The following DNTTIP2 variants were observed in gnomAD, a reference collection of about 807,000 sequenced individuals.
DNTTIP2 encodes the protein deoxynucleotidyltransferase terminal-interacting protein 2.
In DNTTIP2, 47 loss-of-function variants were observed where a neutral mutation model predicts 62.4. That is an observed-to-expected ratio of 0.75 (90% CI 0.60 to 0.96). DNTTIP2 has a LOEUF of 0.96. DNTTIP2 is among the 40% of genes least tolerant of loss of function. DNTTIP2 has a pLI of 0.00. For missense variants in DNTTIP2, 870 were observed against 849.1 expected (o/e 1.02, Z -0.31); for synonymous variants, 322 against 300.9 (o/e 1.07, Z -0.73).
Position 93,879,062 on chromosome 1 carries a change from G to A in DNTTIP2, c.72+15C>T, listed in dbSNP as rs768642365. On this transcript the variant is annotated intron_variant, in intron 1 of 6. Transcript: ENST00000436063. ...CTGCGAAGCGGCGAGAAGTAGGGAA[G>A]ACTGGATTTCCTACCTTTTGCCCGG... 3.7e-6 allele frequency: 6 copies of A among 1,613,328 alleles called. No homozygotes were observed. Among genetic ancestry groups the A allele is most frequent in the Non-Finnish European group, 5.1e-6 (6 of 1,179,804 alleles).
chr1:93,870,895 G>T, intron 5 of DNTTIP2, 103 bp from the exon 6 acceptor site: 1 of 530,732 alleles, frequency 1.9e-6, no homozygotes, highest in African/African-American at 1.9e-5. Context: ...GAAAGAACAA[G>T]CTTACATTAC....
In DNTTIP2 at chr1:93,876,407, TG is replaced by T; in HGVS notation, c.1527del (p.Asp509GlufsTer41). On this transcript the variant is annotated frameshift_variant, in exon 2 of 7. Transcript: ENST00000436063. LOFTEE classifies it high-confidence loss of function. ...TCCTCAATGGCAACCTCACTTGCCT[TG>T]TCTTCCTCTTCCAAGTAAAAATTTT... Reference protein sequence around the residue: ...ADKNFYLEEEDKASEVAIEEE... With the variant: ...ADKNFYLEEEXKASEVAIEEE... The T allele has an allele frequency of 6.2e-7, 1 of 1,608,824 alleles. No homozygotes were observed. The highest frequency in any genetic ancestry group is 1.3e-5 in the African/African-American group (1 of 74,996).
chr1:93,878,967 G>A lies in DNTTIP2; in HGVS notation c.72+110C>T, dbSNP rs1571187348. 9.3e-6 allele frequency: 13 copies of A among 1,404,076 alleles called. No individual in the cohort carries two copies. In the East Asian group the frequency reaches 3.2e-4, roughly 35 times the overall value. 87.0% of individuals were successfully genotyped at this position (1,404,076 alleles called of 1,614,324 possible). On this transcript the variant is annotated intron_variant, in intron 1 of 6. Transcript: ENST00000436063. Reference sequence around the variant, plus strand: ...GAGACCCAAGCGCGCGGCAAGCTCGGGTCCTCTCTGTCGGCAGGTCCTCAC... The same window carrying A: ...GAGACCCAAGCGCGCGGCAAGCTCGAGTCCTCTCTGTCGGCAGGTCCTCAC...
Position 93,867,179 on chromosome 1 carries a change from T to G in DNTTIP2, c.*2672A>C, listed in dbSNP as rs563008368. ...AAAAAAAAAGCATCTTGGAGCCAGA[T>G]GGTGTATAAATACAGCATTCTTTTC... On this transcript the variant is annotated 3_prime_UTR_variant, in exon 7 of 7. Transcript: ENST00000436063. 5 of 147,880 alleles carry G rather than the reference T, an allele frequency of 3.4e-5. No homozygotes were observed. The highest frequency in any genetic ancestry group is 2.7e-4 in the Admixed American group (4 of 14,788). The allele number at this position is 147,880 out of a possible 1,614,324, so 9.2% of individuals were successfully genotyped here.
chr1:93,877,982 A>C, intron 1 of DNTTIP2, 120 bp from the exon 2 acceptor site: 1 of 1,374,122 alleles, frequency 7.3e-7, no homozygotes, highest in Non-Finnish European at 9.6e-7. Context: ...AACAAAAAAC[A>C]AAAAAACCTG....
chr1:93,872,229 C>A lies in DNTTIP2; in HGVS notation c.1910G>T (p.Arg637Leu). 6.2e-7 allele frequency: 1 copy of A among 1,612,702 alleles called. No homozygotes were observed. Among genetic ancestry groups the A allele is most frequent in the South Asian group, 1.1e-5 (1 of 90,830 alleles). ...YQLQKKRRKE[R>L]QKTAGDGWFG... ...CCAGCCATCCCCTGCTGTTTTTTGT[C>A]GTTCTTTCTGAAATTATGATTTCAA... is the stretch of plus-strand genomic sequence containing the variant. Residue 637 changes from arginine to leucine, a missense_variant, in exon 5 of 7, where the codon CGA (arginine) becomes CTA (leucine). Arg to Leu is a moderately radical substitution (Grantham distance 102, BLOSUM62 -2). Transcript: ENST00000436063.
intron 4 of DNTTIP2, among the ~76,000 whole-genome samples, chr1:93,872,839 G>A (rs144778781): frequency 0.019 from 2,846 of 151,670 alleles, 39 homozygotes; most frequent in Non-Finnish European, 0.019. Context: ...CAAGCTCTCT[G>A]GATAACTAGT....
chr1:93,879,039 G>T, intron 1 of DNTTIP2, 38 bp downstream of exon 1: 1 of 1,610,360 alleles, frequency 6.2e-7, no homozygotes. Flanking sequence ...GCGCGGCTCT[G>T]CGAAGCGGCG....
rs1424399855 is a variant in DNTTIP2 at position 93,868,527 on chromosome 1, A to G, written c.*1324T>C. 1.3e-5 allele frequency: 2 copies of G among 152,192 alleles called. No homozygotes were observed. The highest frequency in any genetic ancestry group is 2.9e-5 in the Non-Finnish European group (2 of 68,046). The allele number at this position is 152,192 out of a possible 1,614,324, so 9.4% of individuals were successfully genotyped here. A position where few individuals can be genotyped will look rare whatever the true frequency, so the allele number is the denominator to read the frequency against. ...TACCCAAAGGATTATAAATCATTCT[A>G]CTATAAAGACACATACACAAGTATG... On this transcript the variant is annotated 3_prime_UTR_variant, in exon 7 of 7. Transcript: ENST00000436063.
chr1:93,871,305 G>A (rs1655856752), intron 5 of DNTTIP2, among the ~76,000 whole-genome samples: 2 of 152,208 alleles, frequency 1.3e-5, no homozygotes, highest in Admixed American at 6.5e-5. Context: ...TGCAGAGCCT[G>A]CAGTCTTAAG....
In DNTTIP2 at chr1:93,875,924, G is replaced by A. The variant is rs1320776109; in HGVS notation, c.1668-141C>T. Reference sequence around the variant, plus strand: ...AAAAAAAAGCATCTTATTTTTATGAGGAATTCCTGAAAAAAAACTCTAAAT... The same window carrying A: ...AAAAAAAAGCATCTTATTTTTATGAAGAATTCCTGAAAAAAAACTCTAAAT... On this transcript the variant is annotated intron_variant, in intron 2 of 6. Transcript: ENST00000436063. 13 of 840,884 alleles carry A rather than the reference G, an allele frequency of 1.5e-5. No individual in the cohort carries two copies. In the East Asian group the frequency reaches 2.9e-4, roughly 19 times the overall value. The allele number at this position is 840,884 out of a possible 1,614,324, so 52.1% of individuals were successfully genotyped here. A position where few individuals can be genotyped will look rare whatever the true frequency, so the allele number is the denominator to read the frequency against.
chr1:93,873,107 C>A lies in DNTTIP2; in HGVS notation c.1902+12G>T. On this transcript the variant is annotated intron_variant, in intron 4 of 6. Coordinates refer to ENST00000436063, the MANE Select transcript of DNTTIP2 (RefSeq NM_014597.5). Reference sequence around the variant, plus strand: ...ACATATCTAAGCATTTTAATTAAGTCACTGTACTTACTCTGCGTTTTTTCT... The same window carrying A: ...ACATATCTAAGCATTTTAATTAAGTAACTGTACTTACTCTGCGTTTTTTCT... 2 of 1,567,994 alleles carry A rather than the reference C, an allele frequency of 1.3e-6. No homozygotes were observed. Among genetic ancestry groups the A allele is most frequent in the South Asian group, 2.3e-5 (2 of 88,296 alleles).
At position 93,872,175 on chromosome 1, in the gene DNTTIP2, T is replaced by G; in HGVS notation, c.1964A>C (p.Asn655Thr). Reference sequence around the variant, plus strand: ...TGCTTTGAGATCATTTTTCAGTTCATTTGTCATTTCTGGAGCTTTCATACC... The same window carrying G: ...TGCTTTGAGATCATTTTTCAGTTCAGTTGTCATTTCTGGAGCTTTCATACC... ...WFGMKAPEMT[N>T]ELKNDLKALK... Residue 655 changes from asparagine to threonine, a missense_variant, in exon 5 of 7, where the codon AAT becomes ACT. Physicochemically the swap from Asn to Thr is moderately conservative, Grantham distance 65 (BLOSUM62 0). Transcript: ENST00000436063. 1 of 1,613,918 alleles carries G rather than the reference T, an allele frequency of 6.2e-7. No individual in the cohort carries two copies. The highest frequency in any genetic ancestry group is 1.3e-5 in the African/African-American group (1 of 75,040).
chr1:93,871,597 G>A (rs145455356), intron 5 of DNTTIP2, among the ~76,000 whole-genome samples: 1 of 152,144 alleles, frequency 6.6e-6, no homozygotes, highest in Admixed American at 6.5e-5. Flanking sequence ...ATGAAAGGCA[G>A]GTGAACTAGT....
Position 93,869,808 on chromosome 1 carries a change from A to G in DNTTIP2, c.*43T>C. On this transcript the variant is annotated 3_prime_UTR_variant, in exon 7 of 7. Coordinates refer to ENST00000436063, the MANE Select transcript of DNTTIP2 (RefSeq NM_014597.5). Reference sequence around the variant, plus strand: ...GTTTTCCAAACGTCTTTAATAAGTAAATAAAGGAGCAATGTAAAATGTTGC... The same window carrying G: ...GTTTTCCAAACGTCTTTAATAAGTAGATAAAGGAGCAATGTAAAATGTTGC... The G allele has an allele frequency of 1.3e-6, 1 of 769,262 alleles. No homozygotes were observed. Among genetic ancestry groups the G allele is most frequent in the Non-Finnish European group, 2.4e-6 (1 of 411,630 alleles). 47.7% of individuals were successfully genotyped at this position (769,262 alleles called of 1,614,324 possible).
Position 93,877,202 on chromosome 1 carries a change from A to G in DNTTIP2, c.733T>C (p.Ser245Pro). Residue 245 changes from serine (S) to proline (P), a missense_variant, in exon 2 of 7, where the codon TCC becomes CCC. By Grantham distance (74) the Ser-to-Pro change is moderately conservative. Transcript: ENST00000436063. ...NSEDSDTRQT[S>P]HLQARSLSEI... ...GAAAGAGATCTTGCTTGTAAATGGG[A>G]AGTTTGTCTGGTATCTGAATCCTCT... 6.2e-7 allele frequency: 1 copy of G among 1,613,786 alleles called. No homozygotes were observed. Among genetic ancestry groups the G allele is most frequent in the East Asian group, 2.2e-5 (1 of 44,868 alleles).
chr1:93,877,929 C>G (rs753084858), intron 1 of DNTTIP2, 67 bp from the exon 2 acceptor site: 1 of 1,498,304 alleles, frequency 6.7e-7, no homozygotes, highest in East Asian at 2.3e-5. Flanking sequence ...AAATGAAATA[C>G]TGACCCCAAA....
At chr1:93,873,010 G>T in intron 4 of DNTTIP2, 109 bp downstream of exon 4, 1 of 659,014 alleles carries the variant, frequency 1.5e-6, no homozygotes. Context: ...ATTTTCTTTG[G>T]ACTCATATAT....
chr1:93,871,107 A>G (rs1655850736), intron 5 of DNTTIP2: 2 of 175,050 alleles, frequency 1.1e-5, no homozygotes, highest in Admixed American at 1.2e-4. Context: ...AAATCAATGA[A>G]TTAGACACAT....
Sources: allele counts gnomAD v4.1 joint callset (sites outside exome capture counted in the v4.1 genomes callset), GRCh38; gene constraint gnomAD v4.1.1; transcripts MANE v1.5; gene names NCBI Gene and HGNC (gene_info 2026-07-23, HGNC 2026-07-21).